Variants in MYO18A observed in about 807,000 individuals in gnomAD.
The protein encoded by MYO18A is unconventional myosin-XVIIIa.
A neutral mutation model predicts 235.8 loss-of-function variants in MYO18A; 78 were observed. That is an observed-to-expected ratio of 0.33 (90% CI 0.28 to 0.40). The LOEUF (loss-of-function observed/expected upper bound fraction) is 0.40, where lower values mean the gene tolerates loss of function less well. MYO18A is among the 10% of genes least tolerant of loss of function. MYO18A has a pLI of 1.00. For synonymous variants in MYO18A, 977 were observed against 1,077.8 expected (o/e 0.91, Z 1.83); for missense variants, 2,215 against 2,699.3 (o/e 0.82, Z 3.98).
In MYO18A at chr17:29,121,087, C is replaced by A. The variant is rs752559209; in HGVS notation, c.1496G>T (p.Ser499Ile). The change falls in exon 6 of 42, where the codon AGT (serine) becomes ATT (isoleucine). Residue 499 changes from serine to isoleucine, a missense_variant. Ser to Ile is a moderately radical substitution (Grantham distance 142). Transcript: ENST00000527372. This position sits in a 1 kb window ranked among gnomAD's most constrained non-coding sequence, Gnocchi z 4.2. ...GCTGGTGGTCTTGCCACTGCCACTA[C>A]TGCCCAGGAGGATGATTGACTGATC... ...RQDQSIILLGSSGSGKTTSCQ... is the reference protein window; with the variant it reads ...RQDQSIILLGISGSGKTTSCQ... 1.2e-6 allele frequency: 2 copies of A among 1,612,780 alleles called. No individual in the cohort carries two copies. Among genetic ancestry groups the A allele is most frequent in the Admixed American group, 3.3e-5 (2 of 59,864 alleles).
chr17:29,086,948 C>T lies in MYO18A; in HGVS notation c.5700G>A (p.Lys1900=). The T allele has an allele frequency of 6.2e-7, 1 of 1,612,314 alleles. No individual in the cohort carries two copies. The highest frequency in any genetic ancestry group is 1.1e-5 in the South Asian group (1 of 90,916). ...CAGGGGGCATTACCAGTTCGTGCTT[C>T]TTGCGGCTCGCCTCGGCCTCCTTCC... ...LARKEAEASR[K]KHELEMDLES... The change falls in exon 38 of 42, where the codon AAG becomes AAA. Residue 1900 remains lysine, a synonymous_variant. Transcript: ENST00000527372.
intron 41 of MYO18A, chr17:29,077,617 A>G (rs1251174727): frequency 6.6e-6 from 1 of 152,108 alleles, no homozygotes; most frequent in East Asian, 1.9e-4. Flanking sequence ...CTTGATGGCC[A>G]CTCTACCAAC....
rs1300357788 is a variant in MYO18A, at chr17:29,118,976, G to A, written c.1829+359C>T. ...CAGTTCAGCCCCCTACCAGTCATGC[G>A]ACAGTAGGCAAGTCCCCAACCACTG... On this transcript the variant is annotated intron_variant, in intron 8 of 41. Transcript: ENST00000527372. The surrounding 1 kb of genome is among the most constrained non-coding windows in gnomAD (Gnocchi z 4.2). 7.9e-5 allele frequency among the ~76,000 whole-genome samples: 12 copies of A among 152,156 alleles called. No homozygotes were observed. Among genetic ancestry groups the A allele is most frequent in the South Asian group, 2.1e-4 (1 of 4,832 alleles).
chr17:29,110,238 A>G (rs1218353435), intron 18 of MYO18A, 137 bp from the exon 19 acceptor site: 157 of 1,361,436 alleles, frequency 1.2e-4, no homozygotes, highest in Non-Finnish European at 1.3e-5. Context: ...AACCTGGACA[A>G]CTCTGCCCTC....
At chr17:29,084,684 C>G (rs1017880514) in intron 40 of MYO18A, among the ~76,000 whole-genome samples, 9 of 152,278 alleles carry the variant, frequency 5.9e-5, no homozygotes, top group African/African-American at 1.7e-4. Flanking sequence ...CTGTTACACA[C>G]TATTACATTT....
At chr17:29,156,702 G>A (rs2068073075) in intron 2 of MYO18A, among the ~76,000 whole-genome samples, 1 of 152,224 alleles carries the variant, frequency 6.6e-6, no homozygotes, top group Non-Finnish European at 1.5e-5. Context: ...ACTGGAGAAG[G>A]AATGAGATAA....
At chr17:29,127,167 C>A (rs993057053) in intron 2 of MYO18A, among the ~76,000 whole-genome samples, 1 of 152,172 alleles carries the variant, frequency 6.6e-6, no homozygotes, top group African/African-American at 2.4e-5. Context: ...TCCAAAATCC[C>A]AAAAGCCCCC....
At chr17:29,087,200 G>T in intron 37 of MYO18A, 79 bp from the exon 38 acceptor site, 9 of 1,449,244 alleles carry the variant, frequency 6.2e-6, no homozygotes, top group Non-Finnish European at 8.5e-6. Context: ...CAGAGCTCTG[G>T]GTGAGGAGGC....
intron 2 of MYO18A, among the ~76,000 whole-genome samples, chr17:29,136,246 A>T (rs1390249575): frequency 5.7e-5 from 4 of 69,752 alleles, no homozygotes; most frequent in African/African-American, 1.7e-4. Flanking sequence ...AAAAAAAAAA[A>T]AAAAATATAT....
rs897193387 is a variant in MYO18A at position 29,127,969 on chromosome 17, C to T, written c.1000-5716G>A. 8.0e-6 allele frequency: 8 copies of T among 1,005,004 alleles called. No homozygotes were observed. The African/African-American group carries it at 1.2e-4, about 15-fold the overall frequency. 62.3% of individuals were successfully genotyped at this position (1,005,004 alleles called of 1,614,324 possible). A position where few individuals can be genotyped will look rare whatever the true frequency, so the allele number is the denominator to read the frequency against. On this transcript the variant is annotated intron_variant, in intron 2 of 41. Coordinates refer to ENST00000527372, the MANE Select transcript of MYO18A (RefSeq NM_078471.4). ...CCGGTGGGGCTGGGGAGCGCTGCTT[C>T]TTTGGGGCTTCAGGCTTGGCTGGGG...
In MYO18A at chr17:29,167,678, G is replaced by T. The variant is rs1042185084; in HGVS notation, c.-81-657C>A. Among the ~76,000 whole-genome samples, 4 of 150,664 alleles carry T rather than the reference G, an allele frequency of 2.7e-5. No individual in the cohort carries two copies. In the East Asian group the frequency reaches 5.8e-4, roughly 22 times the overall value. On this transcript the variant is annotated intron_variant, in intron 1 of 41. Transcript: ENST00000527372. ...CTATGATCACACTACTCCAGCTTGGGCAACAGAGTGAGACCCTGTCTCAAA... is the reference window on the plus strand; with the variant it reads ...CTATGATCACACTACTCCAGCTTGGTCAACAGAGTGAGACCCTGTCTCAAA...
chr17:29,105,171 CAAAAAAAAAAAAA>C (rs58344909), intron 20 of MYO18A, among the ~76,000 whole-genome samples: 843 of 35,836 alleles, frequency 0.024, 18 homozygotes, highest in Middle Eastern at 0.05. Context: ...GACTCTGTCT[CAAAAAAAAAAAAA>C]AAAAAAAAAA....
intron 2 of MYO18A, among the ~76,000 whole-genome samples, chr17:29,160,082 G>A (rs774597934): frequency 2.0e-5 from 3 of 152,174 alleles, no homozygotes; most frequent in Non-Finnish European, 4.4e-5. Context: ...CTCCCAGGGT[G>A]GCTTTAGAGA....
intron 2 of MYO18A, among the ~76,000 whole-genome samples, chr17:29,161,272 T>C (rs901074407): frequency 6.6e-6 from 1 of 151,070 alleles, no homozygotes; most frequent in African/African-American, 2.4e-5. Flanking sequence ...GGAGAATCGC[T>C]TGAACCAGGG....
At chr17:29,154,572 G>C (rs1476854780) in intron 2 of MYO18A, among the ~76,000 whole-genome samples, 2 of 152,336 alleles carry the variant, frequency 1.3e-5, no homozygotes, top group East Asian at 3.9e-4. Context: ...TTCTCAGGCA[G>C]GGGGCCCAGT....
intron 41 of MYO18A, chr17:29,076,200 G>A (rs939238380): frequency 6.6e-6 from 1 of 152,528 alleles, no homozygotes; most frequent in African/African-American, 2.4e-5. Flanking sequence ...GAAATATTAC[G>A]AGGAAGCCAG....
chr17:29,111,064 T>C lies in MYO18A; in HGVS notation c.2900+360A>G, dbSNP rs989634447. 2.0e-5 allele frequency among the ~76,000 whole-genome samples: 3 copies of C among 152,234 alleles called. No homozygotes were observed. Among genetic ancestry groups the C allele is most frequent in the African/African-American group, 4.8e-5 (2 of 41,454 alleles). On this transcript the variant is annotated intron_variant, in intron 17 of 41. Transcript: ENST00000527372. This position sits in a 1 kb window ranked among gnomAD's most constrained non-coding sequence, Gnocchi z 5.1. ...GGGAGTTCAGTTTTGTTTACTATTA[T>C]CTGCCAAGCACCTAGAAGCCCCTGT... is the stretch of plus-strand genomic sequence containing the variant.
chr17:29,107,711 GT>G (rs2066826511), intron 19 of MYO18A: 1 of 152,514 alleles, frequency 6.6e-6, no homozygotes, highest in South Asian at 2.1e-4. Flanking sequence ...GAGGCCAGGA[GT>G]TTAGACAAGC....
intron 2 of MYO18A, among the ~76,000 whole-genome samples, chr17:29,163,383 GAA>G (rs765898522): frequency 7.2e-5 from 11 of 152,226 alleles, no homozygotes; most frequent in Non-Finnish European, 1.5e-4. Context: ...ACCTGGGTGA[GAA>G]AAGATATGGG....
Sources: allele counts gnomAD v4.1 joint callset (sites outside exome capture counted in the v4.1 genomes callset), GRCh38; gene constraint gnomAD v4.1.1; non-coding constraint Gnocchi (gnomAD v3.1); transcripts MANE v1.5; gene names NCBI Gene and HGNC (gene_info 2026-07-23, HGNC 2026-07-21).